The following CNTN5 variants were observed in gnomAD, a reference collection of about 807,000 sequenced individuals.
CNTN5 encodes contactin 5, also known as contactin-5.
Under a neutral mutation model 129.1 loss-of-function variants are expected in CNTN5, and 77 were observed. That is an observed-to-expected ratio of 0.60 (90% CI 0.50 to 0.72). The LOEUF is 0.72. Ranked by LOEUF, CNTN5 falls within the 30% of genes least tolerant of loss-of-function variation. The pLI, the probability that CNTN5 is intolerant of heterozygous loss-of-function variation, is 0.00. For synonymous variants in CNTN5, 509 were observed against 465.6 expected (o/e 1.09, Z -1.20); for missense variants, 1,478 against 1,328.8 (o/e 1.11, Z -1.75).
chr11:99,738,999 T>C (rs1943804976), intron 3 of CNTN5, among the ~76,000 whole-genome samples: 1 of 152,174 alleles, frequency 6.6e-6, no homozygotes, highest in Non-Finnish European at 1.5e-5. Flanking sequence ...CCAGATGTAA[T>C]AAATATAGAC....
At chr11:99,850,357 G>A (rs1947833688) in intron 6 of CNTN5, among the ~76,000 whole-genome samples, 2 of 152,066 alleles carry the variant, frequency 1.3e-5, no homozygotes, top group Non-Finnish European at 2.9e-5. Flanking sequence ...TATCATCATA[G>A]GTCCTAGCTT....
rs373752092 is a variant in CNTN5 at position 100,049,745 on chromosome 11, C to T, written c.981-11467C>T. Among the ~76,000 whole-genome samples the T allele has an allele frequency of 2.7e-5, 4 of 150,724 alleles. No homozygotes were observed. The East Asian group carries it at 7.7e-4, about 29-fold the overall frequency. ...ACTCACCTGACAAAGGGCTAATATC[C>T]AGAATCTACAATGAACTCCAACAAA... On this transcript the variant is annotated intron_variant, in intron 9 of 24. Transcript: ENST00000524871.
intron 2 of CNTN5, among the ~76,000 whole-genome samples, chr11:99,425,841 C>T (rs371255532): frequency 2.2e-4 from 34 of 152,344 alleles, no homozygotes; most frequent in African/African-American, 8.2e-4. Flanking sequence ...CCATGGGGCA[C>T]ATAGCCCTGG....
chr11:99,548,720 A>G (rs1948380953), intron 2 of CNTN5, among the ~76,000 whole-genome samples: 1 of 152,228 alleles, frequency 6.6e-6, no homozygotes, highest in Non-Finnish European at 1.5e-5. Flanking sequence ...TTGCTATCAG[A>G]AAGTCAAATG....
rs1952343480 is a variant in CNTN5, at chr11:99,655,959, T to C, written c.55+99690T>C. 2.0e-5 allele frequency among the ~76,000 whole-genome samples: 3 copies of C among 152,052 alleles called. No individual in the cohort carries two copies. The South Asian group carries it at 6.2e-4, about 32-fold the overall frequency. ...ATACACACACGTGTATATACACACA[T>C]ATATATACACATATATGCATGTGTG... On this transcript the variant is annotated intron_variant, in intron 3 of 24. Coordinates refer to ENST00000524871, the MANE Select transcript of CNTN5 (RefSeq NM_014361.4).
chr11:99,191,070 A>T (rs1369028753), intron 1 of CNTN5, among the ~76,000 whole-genome samples: 1 of 151,764 alleles, frequency 6.6e-6, no homozygotes, highest in Non-Finnish European at 1.5e-5. Flanking sequence ...GATTTTGTCA[A>T]ATGCCTTTCC....
intron 1 of CNTN5, among the ~76,000 whole-genome samples, chr11:99,249,623 T>A (rs73534964): frequency 6.6e-6 from 1 of 152,002 alleles, no homozygotes; most frequent in Admixed American, 6.6e-5. Context: ...GGTATGTTAT[T>A]TGAAATCCAA....
chr11:99,449,076 C>A (rs982750442), intron 2 of CNTN5, among the ~76,000 whole-genome samples: 3 of 152,038 alleles, frequency 2.0e-5, no homozygotes, highest in African/African-American at 7.2e-5. Flanking sequence ...GCCACTGCAC[C>A]CAGTCTACAA....
intron 1 of CNTN5, among the ~76,000 whole-genome samples, chr11:99,159,113 C>A (rs894757097): frequency 6.6e-6 from 1 of 152,086 alleles, no homozygotes; most frequent in African/African-American, 2.4e-5. Flanking sequence ...AACATAATGA[C>A]TTTATGAGGA....
At chr11:99,214,927 T>C (rs997761861) in intron 1 of CNTN5, among the ~76,000 whole-genome samples, 3 of 152,122 alleles carry the variant, frequency 2.0e-5, no homozygotes, top group African/African-American at 7.2e-5. Flanking sequence ...CAAGTAGTTA[T>C]TCTCAAGTAA....
At chr11:99,285,508 G>A (rs1266836574) in intron 1 of CNTN5, among the ~76,000 whole-genome samples, 1 of 151,200 alleles carries the variant, frequency 6.6e-6, no homozygotes, top group African/African-American at 2.4e-5. Context: ...TTTTAAAATG[G>A]AAGATTCAGT....
intron 3 of CNTN5, among the ~76,000 whole-genome samples, chr11:99,745,614 T>C (rs1023535630): frequency 6.6e-6 from 1 of 152,206 alleles, no homozygotes; most frequent in Non-Finnish European, 1.5e-5. Flanking sequence ...AAATGATGAT[T>C]GATACTTTAT....
chr11:99,344,710 C>A (rs532720206), intron 2 of CNTN5, among the ~76,000 whole-genome samples: 1 of 152,258 alleles, frequency 6.6e-6, no homozygotes, highest in South Asian at 2.1e-4. Context: ...CTCCGAAAAG[C>A]ATCAAAATGA....
intron 3 of CNTN5, among the ~76,000 whole-genome samples, chr11:99,607,677 T>C (rs1388602009): frequency 8.7e-6 from 1 of 115,198 alleles, no homozygotes; most frequent in Non-Finnish European, 1.9e-5. Flanking sequence ...CTATTCACAA[T>C]AGCAAAGACT....
chr11:99,275,554 A>T (rs192354504), intron 1 of CNTN5, among the ~76,000 whole-genome samples: 3 of 151,726 alleles, frequency 2.0e-5, no homozygotes, highest in African/African-American at 7.2e-5. Flanking sequence ...AATAATAACC[A>T]TTTATTATTG....
intron 6 of CNTN5, among the ~76,000 whole-genome samples, chr11:99,895,687 A>G (rs1949187238): frequency 6.6e-6 from 1 of 152,062 alleles, no homozygotes; most frequent in Non-Finnish European, 1.5e-5. Flanking sequence ...CCTGGGGATC[A>G]CACTTCTGCC....
intron 10 of CNTN5, among the ~76,000 whole-genome samples, chr11:100,063,249 C>T (rs554634735): frequency 2.6e-5 from 4 of 151,908 alleles, no homozygotes; most frequent in African/African-American, 9.7e-5. Context: ...AAAAAAATTG[C>T]TTTCACTCCT....
intron 4 of CNTN5, among the ~76,000 whole-genome samples, chr11:99,822,033 T>A (rs1250466989): frequency 6.6e-6 from 1 of 152,212 alleles, no homozygotes; most frequent in Non-Finnish European, 1.5e-5. Context: ...GACAAGAGTC[T>A]GACGTATGGC....
At chr11:99,063,393 A>G (rs577721454) in intron 1 of CNTN5, among the ~76,000 whole-genome samples, 18 of 152,192 alleles carry the variant, frequency 1.2e-4, no homozygotes, top group African/African-American at 4.3e-4. Context: ...AGTTCAAGTA[A>G]CAAAATTGTA....
Sources: gnomAD v4.1 joint callset for allele counts (sites outside exome capture counted in the v4.1 genomes callset) on GRCh38, gnomAD v4.1.1 for gene constraint, MANE v1.5 for transcripts, NCBI Gene and HGNC (gene_info 2026-07-23, HGNC 2026-07-21) for gene names.